Variants in NFKBIB observed in about 807,000 individuals in gnomAD.
NFKBIB encodes the protein NF-kappa-B inhibitor beta.
Under a neutral mutation model 32.1 loss-of-function variants are expected in NFKBIB, and 16 were observed. The observed-to-expected ratio is 0.50, with a 90% confidence interval of 0.34 to 0.76. NFKBIB has a LOEUF of 0.76. Ranked by LOEUF, NFKBIB falls within the 30% of genes least tolerant of loss-of-function variation. The probability of loss-of-function intolerance (pLI) is 0.01; values close to 1 mark genes in which losing one functional copy is unlikely to be tolerated. For synonymous variants in NFKBIB, 222 were observed against 219.5 expected (o/e 1.01, Z -0.10); for missense variants, 437 against 514.9 (o/e 0.85, Z 1.46).
In NFKBIB at chr19:38,905,174, C is replaced by T. The variant is rs1337220213; in HGVS notation, c.286-28C>T. The T allele has an allele frequency of 3.1e-6, 5 of 1,608,640 alleles. No individual in the cohort carries two copies. Among genetic ancestry groups the T allele is most frequent in the Non-Finnish European group, 4.2e-6 (5 of 1,177,058 alleles). ...GGGGTCCAGGGTTCCCAGTGTGACTCCCTACCGCCTGTCCTCTGCTTCTGC... is the reference window on the plus strand; with the variant it reads ...GGGGTCCAGGGTTCCCAGTGTGACTTCCTACCGCCTGTCCTCTGCTTCTGC... On this transcript the variant is annotated intron_variant, in intron 2 of 5. Transcript: ENST00000313582. The surrounding 1 kb of genome is among the most constrained non-coding windows in gnomAD (Gnocchi z 5.5).
chr19:38,902,739 G>A (rs1871286562), intron 1 of NFKBIB, among the ~76,000 whole-genome samples: 1 of 152,206 alleles, frequency 6.6e-6, no homozygotes, highest in Non-Finnish European at 1.5e-5. Context: ...CATATTGTCA[G>A]TGGCTGCTTT....
chr19:38,900,695 TAATTA>T (rs1973923991), intron 1 of NFKBIB, among the ~76,000 whole-genome samples: 1 of 152,218 alleles, frequency 6.6e-6, no homozygotes, highest in African/African-American at 2.4e-5. Context: ...GTTGAATTCC[TAATTA>T]AAGTAAAAAA....
Position 38,907,322 on chromosome 19 carries a change from C to G in NFKBIB, c.708+13C>G, listed in dbSNP as rs568276613. ...CCTTGACAAACCGGTGAGCCCCAACCTCGGGGAAGATGCCGTCGGCGGGAG... is the reference window on the plus strand; with the variant it reads ...CCTTGACAAACCGGTGAGCCCCAACGTCGGGGAAGATGCCGTCGGCGGGAG... On this transcript the variant is annotated intron_variant, in intron 4 of 5. Transcript: ENST00000313582. The G allele has an allele frequency of 1.2e-6, 2 of 1,609,784 alleles. No homozygotes were observed. The highest frequency in any genetic ancestry group is 2.7e-5 in the African/African-American group (2 of 74,894).
rs547210509 is a variant in NFKBIB, at chr19:38,905,409, G to A, written c.493G>A (p.Gly165Ser). Reference protein sequence around the residue: ...REAPDTYLAQGPDRTPDTNHT... With the variant: ...REAPDTYLAQSPDRTPDTNHT... The stretch of plus-strand genomic sequence containing the variant: ...AGCCCCCGACACCTACCTCGCTCAG[G>A]GCCCTGACCGTACTCCCGACACCAA... Residue 165 changes from glycine (G) to serine (S), a missense_variant, in exon 3 of 6, where the codon GGC becomes AGC. Physicochemically the swap from Gly to Ser is moderately conservative, Grantham distance 56. Transcript: ENST00000313582. The surrounding 1 kb of genome is among the most constrained non-coding windows in gnomAD (Gnocchi z 5.5). 8.1e-6 allele frequency: 13 copies of A among 1,613,794 alleles called. No individual in the cohort carries two copies. The highest frequency in any genetic ancestry group is 6.6e-5 in the South Asian group (6 of 91,082).
chr19:38,902,178 T>G (rs1973991575), intron 1 of NFKBIB, among the ~76,000 whole-genome samples: 1 of 142,918 alleles, frequency 7.0e-6, no homozygotes, highest in Non-Finnish European at 1.5e-5. Context: ...CCTCCCAGGT[T>G]CATGCCATTC....
At chr19:38,907,851 G>A in intron 5 of NFKBIB, 192 bp downstream of exon 5, 2 of 1,410,980 alleles carry the variant, frequency 1.4e-6, no homozygotes, top group Non-Finnish European at 1.9e-6. Context: ...GGCAGAAGTG[G>A]CTGAAAAACT....
intron 5 of NFKBIB, 181 bp downstream of exon 5, chr19:38,907,840 G>A: frequency 7.1e-7 from 1 of 1,415,486 alleles, no homozygotes; most frequent in South Asian, 1.7e-5. Context: ...GGAAGAGCTT[G>A]GGCAGAAGTG....
chr19:38,907,818 A>T (rs1974191753), intron 5 of NFKBIB, 159 bp downstream of exon 5: 4 of 1,431,846 alleles, frequency 2.8e-6, no homozygotes, highest in Non-Finnish European at 3.7e-6. Context: ...AGAGACCTGG[A>T]CAGGGGTGGT....
rs766911675 is a variant in NFKBIB, at chr19:38,907,365, C to T, written c.709-34C>T. 51 of 1,596,048 alleles carry T rather than the reference C, an allele frequency of 3.2e-5. 1 individual carries two copies. The highest frequency in any genetic ancestry group is 1.0e-4 in the South Asian group (9 of 90,008). ...GGCGGGAGGGGGCTTGTCCCCTCTT[C>T]GGGCCCTCTGACCTTTCTGTTGCAC... On this transcript the variant is annotated intron_variant, in intron 4 of 5. Coordinates refer to ENST00000313582, the MANE Select transcript of NFKBIB (RefSeq NM_002503.5).
At position 38,905,052 on chromosome 19, in the gene NFKBIB, T is replaced by C; in HGVS notation, c.217T>C (p.Phe73Leu). Reference sequence around the variant, plus strand: ...GGCTGTGATTCATCAGCATGAACCCTTCCTGGATTTTCTTCTAGGCTTCTC... The same window carrying C: ...GGCTGTGATTCATCAGCATGAACCCCTCCTGGATTTTCTTCTAGGCTTCTC... ...HLAVIHQHEPFLDFLLGFSAG... is the reference protein window; with the variant it reads ...HLAVIHQHEPLLDFLLGFSAG... Residue 73 changes from phenylalanine to leucine, a missense_variant, in exon 2 of 6, where the codon TTC becomes CTC. Transcript: ENST00000313582. This position sits in a 1 kb window ranked among gnomAD's most constrained non-coding sequence, Gnocchi z 5.5. The C allele has an allele frequency of 6.2e-7, 1 of 1,614,144 alleles. No individual in the cohort carries two copies. The highest frequency in any genetic ancestry group is 8.5e-7 in the Non-Finnish European group (1 of 1,180,018).
At chr19:38,906,278 G>GCGCCC in intron 3 of NFKBIB, among the ~76,000 whole-genome samples, 1 of 151,244 alleles carries the variant, frequency 6.6e-6, no homozygotes, top group Middle Eastern at 3.4e-3. Context: ...GGGATTACAG[G>GCGCCC]GATTACAGGC....
In NFKBIB at chr19:38,905,231, G is replaced by A. The variant is rs1452229499; in HGVS notation, c.315G>A (p.Gly105=). The change falls in exon 3 of 6, where the codon GGG becomes GGA. Residue 105 remains glycine (G), a synonymous_variant. Coordinates refer to ENST00000313582, the MANE Select transcript of NFKBIB (RefSeq NM_002503.5). This position sits in a 1 kb window ranked among gnomAD's most constrained non-coding sequence, Gnocchi z 5.5. ...QTALHLAAIL[G]ETSTVEKLYA... ...CCCTGCACCTGGCAGCCATCCTGGG[G>A]GAGACATCCACGGTGGAGAAGCTGT... The A allele has an allele frequency of 6.3e-7, 1 of 1,589,992 alleles. No homozygotes were observed. Among genetic ancestry groups the A allele is most frequent in the Non-Finnish European group, 8.6e-7 (1 of 1,168,144 alleles).
chr19:38,908,382 T>C (rs1974215452), intron 5 of NFKBIB: 2 of 794,298 alleles, frequency 2.5e-6, no homozygotes, highest in Non-Finnish European at 3.1e-6. Flanking sequence ...CTACTAAAAA[T>C]ACAAAAATTA....
chr19:38,906,358 G>T (rs1974117410), intron 3 of NFKBIB, among the ~76,000 whole-genome samples: 1 of 151,546 alleles, frequency 6.6e-6, no homozygotes, highest in Non-Finnish European at 1.5e-5. Context: ...TGACCAGGCT[G>T]GTCTTGAACT....
At chr19:38,901,295 T>G (rs1031185273) in intron 1 of NFKBIB, among the ~76,000 whole-genome samples, 14 of 152,142 alleles carry the variant, frequency 9.2e-5, no homozygotes, top group African/African-American at 3.4e-4. Flanking sequence ...AATTGGTCTC[T>G]GTTCTGACTT....
intron 5 of NFKBIB, chr19:38,908,471 G>A: frequency 1.9e-6 from 2 of 1,044,996 alleles, no homozygotes; most frequent in Non-Finnish European, 2.4e-6. Flanking sequence ...CCTGGGAGGT[G>A]GAGGTTGCAG....
intron 5 of NFKBIB, 126 bp downstream of exon 5, chr19:38,907,785 A>T: frequency 6.9e-7 from 1 of 1,451,670 alleles, no homozygotes; most frequent in Non-Finnish European, 9.1e-7. Context: ...CAGCAGCGCC[A>T]GTGACACGGG....
chr19:38,908,580 C>G, intron 5 of NFKBIB, 151 bp from the exon 6 acceptor site: 1 of 1,287,982 alleles, frequency 7.8e-7, no homozygotes, highest in Non-Finnish European at 9.9e-7. Context: ...AAATGGAGTT[C>G]TGAGAGCTAG....
At chr19:38,907,876 G>A (rs1974194098) in intron 5 of NFKBIB, 2 of 1,393,496 alleles carry the variant, frequency 1.4e-6, no homozygotes, top group East Asian at 2.6e-5. Context: ...CAGTGGCAAA[G>A]GTAGAACTCA....
Sources: gnomAD v4.1 joint callset for allele counts (sites outside exome capture counted in the v4.1 genomes callset) on GRCh38, gnomAD v4.1.1 for gene constraint, Gnocchi (gnomAD v3.1) non-coding constraint, MANE v1.5 for transcripts, NCBI Gene and HGNC (gene_info 2026-07-23, HGNC 2026-07-21) for gene names.